Variants in GPC6 observed in about 807,000 individuals in gnomAD.
The protein encoded by GPC6 is glypican-6.
In GPC6, 14 loss-of-function variants were observed where a neutral mutation model predicts 55.2. The observed-to-expected ratio is 0.25, with a 90% CI of 0.17 to 0.40. The LOEUF is 0.40. GPC6 is among the 10% of genes least tolerant of loss of function. The probability of loss-of-function intolerance (pLI) is 1.00; values close to 1 mark genes in which losing one functional copy is unlikely to be tolerated. For synonymous variants in GPC6, 278 were observed against 259.6 expected, an observed-to-expected ratio of 1.07 and a Z score of -0.68; for missense variants, 641 against 708.5, an observed-to-expected ratio of 0.90 and a Z score of 1.08.
intron 5 of GPC6, among the ~76,000 whole-genome samples, chr13:94,299,056 A>AT (rs1276179465): frequency 6.6e-6 from 1 of 152,128 alleles, no homozygotes; most frequent in African/African-American, 2.4e-5. Context: ...TTCATTCTCA[A>AT]TTTTTTCAAA....
chr13:93,803,743 A>G (rs1436744623), intron 2 of GPC6, among the ~76,000 whole-genome samples: 1 of 152,200 alleles, frequency 6.6e-6, no homozygotes, highest in Non-Finnish European at 1.5e-5. Context: ...GTGGAATATT[A>G]TTTAGTCATA....
chr13:93,841,680 A>G (rs1411441644), intron 3 of GPC6, among the ~76,000 whole-genome samples: 1 of 152,190 alleles, frequency 6.6e-6, no homozygotes, highest in Non-Finnish European at 1.5e-5. Context: ...TTAACATCAA[A>G]TGACCCTTAA....
intron 2 of GPC6, among the ~76,000 whole-genome samples, chr13:93,625,294 G>T (rs1281843463): frequency 6.6e-6 from 1 of 152,136 alleles, no homozygotes. Flanking sequence ...GAGTGGAAAT[G>T]TCAAAATAGG....
At chr13:93,630,046 T>C (rs1039424959) in intron 2 of GPC6, among the ~76,000 whole-genome samples, 4 of 152,150 alleles carry the variant, frequency 2.6e-5, no homozygotes, top group African/African-American at 9.7e-5. Flanking sequence ...GCACACAACA[T>C]TAGGTTTGGC....
chr13:94,302,841 G>A (rs1436539247), intron 5 of GPC6, among the ~76,000 whole-genome samples: 1 of 152,206 alleles, frequency 6.6e-6, no homozygotes, highest in Non-Finnish European at 1.5e-5. Context: ...TGGAATCTTG[G>A]GCCATGGGGT....
intron 1 of GPC6, among the ~76,000 whole-genome samples, chr13:93,500,144 C>G (rs1880468299): frequency 6.6e-6 from 1 of 152,108 alleles, no homozygotes; most frequent in Non-Finnish European, 1.5e-5. Flanking sequence ...GCAGATAGGA[C>G]AGATGCTGTA....
chr13:94,186,817 T>A (rs369983327), intron 4 of GPC6: 1 of 152,240 alleles, frequency 6.6e-6, no homozygotes, highest in East Asian at 1.9e-4. Flanking sequence ...AGAGTTAGGA[T>A]ACTGCCCTCT....
At chr13:93,231,380 C>CATATATATATATATGTATATATAT (rs1876030010) in intron 1 of GPC6, among the ~76,000 whole-genome samples, 2 of 30,938 alleles carry the variant, frequency 6.5e-5, no homozygotes, top group Non-Finnish European at 1.2e-4. Flanking sequence ...TATATATATA[C>CATATATATATATATGTATATATAT]ATATATATAT....
intron 3 of GPC6, among the ~76,000 whole-genome samples, chr13:93,889,956 A>G (rs1028177429): frequency 6.6e-6 from 1 of 152,118 alleles, no homozygotes; most frequent in African/African-American, 2.4e-5. Context: ...ATACCATTCT[A>G]TAGAATCATT....
chr13:93,607,148 A>C (rs916046072), intron 2 of GPC6, among the ~76,000 whole-genome samples: 1 of 152,294 alleles, frequency 6.6e-6, no homozygotes, highest in Non-Finnish European at 1.5e-5. Flanking sequence ...TTATGAGTAC[A>C]GACTGCTTTA....
intron 4 of GPC6, among the ~76,000 whole-genome samples, chr13:94,225,544 A>G (rs1890524520): frequency 6.6e-6 from 1 of 152,064 alleles, no homozygotes; most frequent in South Asian, 2.1e-4. Context: ...TTTGAAATCC[A>G]CGCAGTGTTT....
chr13:94,129,536 C>T (rs1358863581), intron 4 of GPC6, among the ~76,000 whole-genome samples: 2 of 152,148 alleles, frequency 1.3e-5, no homozygotes, highest in Admixed American at 1.3e-4. Context: ...GCCTCCCACT[C>T]TTCTGTGACC....
intron 3 of GPC6, among the ~76,000 whole-genome samples, chr13:93,937,535 C>G (rs1452073344): frequency 6.6e-6 from 1 of 152,146 alleles, no homozygotes; most frequent in Non-Finnish European, 1.5e-5. Flanking sequence ...ACATGTAGTA[C>G]TTTCAAAAGT....
intron 3 of GPC6, among the ~76,000 whole-genome samples, chr13:93,990,304 A>G (rs1881239157): frequency 6.6e-6 from 1 of 151,838 alleles, no homozygotes; most frequent in Admixed American, 6.6e-5. Context: ...CTTCATGTGC[A>G]GTGAAATTTG....
chr13:93,489,087 G>A (rs1336809636), intron 1 of GPC6, among the ~76,000 whole-genome samples: 3 of 151,238 alleles, frequency 2.0e-5, no homozygotes, highest in Non-Finnish European at 4.4e-5. Flanking sequence ...TTTCTTCTAG[G>A]GTTTTTATGG....
rs1881376461 is a variant in GPC6, at chr13:94,406,554, CATT to C, written c.*3344_*3346del. On this transcript the variant is annotated 3_prime_UTR_variant, in exon 9 of 9. Transcript: ENST00000377047. ...ATACTATTTTGTCTACACTGAAAAA[CATT>C]ATTATTCATTGATAAGTAGTAATAA... 1 of 152,160 alleles carries C rather than the reference CATT, an allele frequency of 6.6e-6. No individual in the cohort carries two copies. Among genetic ancestry groups the C allele is most frequent in the Admixed American group, 6.5e-5 (1 of 15,276 alleles). 9.4% of individuals were successfully genotyped at this position (152,160 alleles called of 1,614,324 possible).
chr13:93,968,752 T>A (rs191177287), intron 3 of GPC6, among the ~76,000 whole-genome samples: 1 of 152,212 alleles, frequency 6.6e-6, no homozygotes, highest in African/African-American at 2.4e-5. Flanking sequence ...ACTGGGATTA[T>A]GGAAATTTCC....
At chr13:94,027,588 A>G (rs1359102572) in intron 3 of GPC6, 141 bp from the exon 4 acceptor site, 4 of 742,472 alleles carry the variant, frequency 5.4e-6, no homozygotes, top group African/African-American at 5.2e-5. Flanking sequence ...GAAGAATTCA[A>G]CAGGAATTGG....
chr13:94,103,400 C>A (rs1885936403), intron 4 of GPC6, among the ~76,000 whole-genome samples: 1 of 152,042 alleles, frequency 6.6e-6, no homozygotes, highest in African/African-American at 2.4e-5. Context: ...GGGTATATAC[C>A]CAGTAATGGG....
Sources: gnomAD v4.1 joint callset for allele counts (sites outside exome capture counted in the v4.1 genomes callset) on GRCh38, gnomAD v4.1.1 for gene constraint, MANE v1.5 for transcripts, NCBI Gene and HGNC (gene_info 2026-07-23, HGNC 2026-07-21) for gene names.